NLGN1: variants seen among roughly 807,000 people sequenced by gnomAD.
NLGN1 encodes the protein neuroligin 1, also known as neuroligin-1.
Under a neutral mutation model 65.5 loss-of-function variants are expected in NLGN1, and 12 were observed. The ratio of observed to expected loss-of-function variants is 0.18; its 90% CI spans 0.12 to 0.30. The LOEUF (loss-of-function observed/expected upper bound fraction) is 0.30. Among genes scored for constraint, NLGN1 ranks in the 10% least tolerant of loss-of-function variants. The pLI is 1.00. For synonymous variants in NLGN1, 350 were observed against 359.5 expected (o/e 0.97, Z 0.30); for missense variants, 750 against 1,007.1 (o/e 0.74, Z 3.46).
At chr3:173,607,279 A>G (rs1470467543) in intron 3 of NLGN1, among the ~76,000 whole-genome samples, 1 of 151,928 alleles carries the variant, frequency 6.6e-6, no homozygotes, top group Non-Finnish European at 1.5e-5. Context: ...GAACTAAGTA[A>G]TAATTAGAAT....
chr3:173,746,490 C>A (rs369542264), intron 3 of NLGN1, among the ~76,000 whole-genome samples: 1 of 151,940 alleles, frequency 6.6e-6, no homozygotes, highest in Non-Finnish European at 1.5e-5. Flanking sequence ...AGCCTTGTCC[C>A]GGTCTCTAGC....
intron 4 of NLGN1, among the ~76,000 whole-genome samples, chr3:173,831,441 T>C (rs1722540374): frequency 6.6e-6 from 1 of 152,212 alleles, no homozygotes; most frequent in Admixed American, 6.5e-5. Flanking sequence ...CCTGCCCATA[T>C]ACACAGAACC....
In NLGN1 at chr3:174,101,210, T is replaced by C. The variant is rs141308298; in HGVS notation, c.647-174105T>C. Among the ~76,000 whole-genome samples, 477 of 152,314 alleles carry C rather than the reference T, an allele frequency of 3.1e-3. 3 individuals carry two copies. Among genetic ancestry groups the C allele is most frequent in the African/African-American group, 0.011 (456 of 41,576 alleles). On this transcript the variant is annotated intron_variant, in intron 4 of 6. Coordinates refer to ENST00000457714, the Ensembl canonical transcript of NLGN1. ...TTAGCACCTGGTACATTTTAGGTTC[T>C]GTTAATAGATAAATGTAGGCACATT...
intron 4 of NLGN1, among the ~76,000 whole-genome samples, chr3:174,151,496 T>C (rs1235321661): frequency 6.6e-6 from 1 of 152,160 alleles, no homozygotes; most frequent in African/African-American, 2.4e-5. Flanking sequence ...CTCTGAAATG[T>C]TGAATTGTCC....
intron 2 of NLGN1, among the ~76,000 whole-genome samples, chr3:173,473,416 GA>G (rs1280199090): frequency 6.6e-6 from 1 of 152,138 alleles, no homozygotes. Flanking sequence ...CCCACTGTGG[GA>G]AATGAGCATT....
At chr3:173,518,360 G>A (rs1734193137) in intron 2 of NLGN1, among the ~76,000 whole-genome samples, 1 of 151,238 alleles carries the variant, frequency 6.6e-6, no homozygotes, top group Non-Finnish European at 1.5e-5. Flanking sequence ...TTTTTGATGA[G>A]CTGTTTCCAA....
intron 4 of NLGN1, among the ~76,000 whole-genome samples, chr3:173,890,252 T>C (rs1735084580): frequency 6.6e-6 from 1 of 152,164 alleles, no homozygotes; most frequent in Non-Finnish European, 1.5e-5. Flanking sequence ...ATAATAATTC[T>C]GACTCTCATT....
intron 4 of NLGN1, among the ~76,000 whole-genome samples, chr3:174,005,452 A>G (rs184694386): frequency 7.2e-5 from 11 of 152,280 alleles, no homozygotes; most frequent in Admixed American, 2.0e-4. Flanking sequence ...GAATGTACCA[A>G]TGAAATGTAA....
chr3:174,113,257 G>T (rs1303309854), intron 4 of NLGN1, among the ~76,000 whole-genome samples: 2 of 151,846 alleles, frequency 1.3e-5, no homozygotes, highest in African/African-American at 4.8e-5. Context: ...CATGCAAGTA[G>T]GTTAAGATAC....
intron 4 of NLGN1, among the ~76,000 whole-genome samples, chr3:174,203,212 G>A (rs1355750377): frequency 1.3e-5 from 2 of 152,090 alleles, no homozygotes; most frequent in African/African-American, 2.4e-5. Context: ...ATCTAGACAA[G>A]AGCAGTAATT....
chr3:174,270,184 A>AT (rs10547987), intron 4 of NLGN1, among the ~76,000 whole-genome samples: 37 of 127,876 alleles, frequency 2.9e-4, no homozygotes, highest in East Asian at 1.1e-3. Context: ...TTATTTGTTT[A>AT]TTTTTTTTTT....
chr3:173,915,648 T>G (rs576956516), intron 4 of NLGN1, among the ~76,000 whole-genome samples: 2 of 152,234 alleles, frequency 1.3e-5, no homozygotes, highest in Non-Finnish European at 2.9e-5. Flanking sequence ...ATCTGTAATC[T>G]ATACGGATAC....
intron 3 of NLGN1, among the ~76,000 whole-genome samples, chr3:173,756,184 A>G (rs1361533294): frequency 6.6e-6 from 1 of 152,060 alleles, no homozygotes; most frequent in Non-Finnish European, 1.5e-5. Context: ...TAAAGCAAAT[A>G]AGCAATTACT....
At chr3:173,806,857 C>T (rs1317829318) in intron 3 of NLGN1, among the ~76,000 whole-genome samples, 1 of 152,140 alleles carries the variant, frequency 6.6e-6, no homozygotes, top group Non-Finnish European at 1.5e-5. Flanking sequence ...AATCTTGACA[C>T]TTTACACTTG....
At chr3:173,648,157 A>G (rs1206244511) in intron 3 of NLGN1, among the ~76,000 whole-genome samples, 1 of 152,216 alleles carries the variant, frequency 6.6e-6, no homozygotes, top group Non-Finnish European at 1.5e-5. Flanking sequence ...AAAAAATGAT[A>G]AACTGGACAC....
At chr3:173,609,536 C>T (rs1288217694) in intron 3 of NLGN1, among the ~76,000 whole-genome samples, 1 of 151,874 alleles carries the variant, frequency 6.6e-6, no homozygotes, top group Non-Finnish European at 1.5e-5. Context: ...ATAACAATGA[C>T]TCCTAGTACT....
At chr3:174,222,615 T>C (rs757076775) in intron 4 of NLGN1, among the ~76,000 whole-genome samples, 2 of 152,186 alleles carry the variant, frequency 1.3e-5, no homozygotes, top group Non-Finnish European at 2.9e-5. Context: ...TTATTTTGCA[T>C]TGACACAAAA....
intron 4 of NLGN1, among the ~76,000 whole-genome samples, chr3:173,966,825 G>T (rs1279757439): frequency 1.3e-5 from 2 of 152,144 alleles, no homozygotes; most frequent in East Asian, 3.9e-4. Flanking sequence ...AACTGAAAGT[G>T]GTTTGCTGAA....
At chr3:173,911,711 T>C (rs551971837) in intron 4 of NLGN1, among the ~76,000 whole-genome samples, 5 of 152,320 alleles carry the variant, frequency 3.3e-5, no homozygotes, top group Admixed American at 3.3e-4. Context: ...AAGGTTCCAC[T>C]GTTTGCAGTG....
Sources: allele counts gnomAD v4.1 joint callset (sites outside exome capture counted in the v4.1 genomes callset), GRCh38; gene constraint gnomAD v4.1.1; transcripts MANE v1.5; gene names NCBI Gene and HGNC (gene_info 2026-07-23, HGNC 2026-07-21).